CLCN3: variants seen among roughly 807,000 people sequenced by gnomAD.
The protein encoded by CLCN3 is H(+)/Cl(-) exchange transporter 3.
In CLCN3, 16 loss-of-function variants were observed where a neutral mutation model predicts 83.4. That is an observed-to-expected ratio of 0.19 (90% CI 0.13 to 0.29). The LOEUF is 0.29. CLCN3 is among the 10% of genes least tolerant of loss of function. The pLI, the probability that CLCN3 is intolerant of heterozygous loss-of-function variation, is 1.00. For missense variants in CLCN3, 544 were observed against 1,006.0 expected, an observed-to-expected ratio of 0.54 and a Z score of 6.21; for synonymous variants, 322 against 346.2, an observed-to-expected ratio of 0.93 and a Z score of 0.78.
intron 2 of CLCN3, among the ~76,000 whole-genome samples, chr4:169,675,953 G>A (rs1731659436): frequency 6.6e-6 from 1 of 152,098 alleles, no homozygotes; most frequent in African/African-American, 2.4e-5. Flanking sequence ...TGAAAATACT[G>A]TGTGTGTGCT....
chr4:169,702,793 A>G, intron 9 of CLCN3: 1 of 328,782 alleles, frequency 3.0e-6, no homozygotes, highest in South Asian at 2.5e-5. Flanking sequence ...AAAAAAAAAA[A>G]AAAAGAAAGC....
At chr4:169,691,422 CAGT>C (rs1210680109) in intron 6 of CLCN3, among the ~76,000 whole-genome samples, 1 of 152,134 alleles carries the variant, frequency 6.6e-6, no homozygotes, top group African/African-American at 2.4e-5. Flanking sequence ...TAGTTAATCA[CAGT>C]GGGTCAACAG....
intron 1 of CLCN3, among the ~76,000 whole-genome samples, chr4:169,623,822 T>C (rs1773165495): frequency 6.6e-6 from 1 of 152,200 alleles, no homozygotes; most frequent in Admixed American, 6.5e-5. Flanking sequence ...CGGGTTAATC[T>C]ACGTTTTTGA....
chr4:169,659,668 CTT>C (rs1294679039), intron 2 of CLCN3, among the ~76,000 whole-genome samples: 2 of 125,690 alleles, frequency 1.6e-5, no homozygotes, highest in Non-Finnish European at 3.5e-5. Context: ...CTATTCAACT[CTT>C]CAGTTATTCG....
intron 2 of CLCN3, chr4:169,662,813 T>G (rs1405041176): frequency 6.6e-6 from 1 of 152,178 alleles, no homozygotes; most frequent in African/African-American, 2.4e-5. Context: ...ATTGATAGAT[T>G]AGAAATTAAG....
intron 2 of CLCN3, chr4:169,663,020 C>T (rs1189203758): frequency 1.3e-5 from 2 of 151,888 alleles, no homozygotes; most frequent in African/African-American, 4.8e-5. Context: ...TTCTACCAAC[C>T]CTTTATAATG....
At chr4:169,661,785 G>A (rs1428243433) in intron 2 of CLCN3, among the ~76,000 whole-genome samples, 2 of 152,038 alleles carry the variant, frequency 1.3e-5, no homozygotes, top group East Asian at 3.9e-4. Flanking sequence ...ACCACCCAGA[G>A]CTTTTTAAAT....
intron 11 of CLCN3, among the ~76,000 whole-genome samples, chr4:169,709,222 A>G (rs1239302013): frequency 1.3e-5 from 2 of 150,866 alleles, no homozygotes; most frequent in African/African-American, 4.8e-5. Flanking sequence ...ACTTTATTGA[A>G]GGATGAAAAA....
chr4:169,630,078 A>G (rs868698735), intron 1 of CLCN3, among the ~76,000 whole-genome samples: 26 of 151,874 alleles, frequency 1.7e-4, no homozygotes, highest in Middle Eastern at 3.4e-3. Context: ...TTGTTAAATA[A>G]AGGGATACTT....
intron 8 of CLCN3, among the ~76,000 whole-genome samples, chr4:169,696,464 T>C (rs1195541201): frequency 5.3e-5 from 8 of 152,234 alleles, no homozygotes; most frequent in Non-Finnish European, 1.2e-4. Flanking sequence ...TATAATGTGA[T>C]GTGTCTATAC....
Position 169,721,095 on chromosome 4 carries a change from A to G in CLCN3, c.*1098A>G, listed in dbSNP as rs7438. 0.44 allele frequency: 66,492 copies of G among 152,110 alleles called. 16,719 individuals are homozygous for G. The highest frequency in any genetic ancestry group is 0.76 in the East Asian group (3,925 of 5,180). 9.4% of individuals were successfully genotyped at this position (152,110 alleles called of 1,614,324 possible). On this transcript the variant is annotated 3_prime_UTR_variant, in exon 13 of 13. Coordinates refer to ENST00000513761, the MANE Select transcript of CLCN3 (RefSeq NM_001829.4). ...AGTCATTCTTTTCTTTTCTCAAGAT[A>G]TCTCATGGCTGACACTGAAGAAGAA...
rs1733633332 is a variant in CLCN3, at chr4:169,721,350, C to T, written c.*1353C>T. 1 of 152,206 alleles carries T rather than the reference C, an allele frequency of 6.6e-6. No individual in the cohort carries two copies. Among genetic ancestry groups the T allele is most frequent in the South Asian group, 2.1e-4 (1 of 4,832 alleles). The allele number at this position is 152,206 out of a possible 1,614,324, so 9.4% of individuals were successfully genotyped here. On this transcript the variant is annotated 3_prime_UTR_variant, in exon 13 of 13. Transcript: ENST00000513761. ...GTTTAAAAAAAGGTTGTGGTTCTCT[C>T]TCTGTGATCCAGTGTGCACATAAAC...
chr4:169,682,894 A>C (rs1386123392), intron 3 of CLCN3, among the ~76,000 whole-genome samples: 1 of 152,214 alleles, frequency 6.6e-6, no homozygotes, highest in Non-Finnish European at 1.5e-5. Context: ...TGAAAAAGGC[A>C]CATAATGTCT....
chr4:169,708,311 A>T (rs1581277632), intron 11 of CLCN3, among the ~76,000 whole-genome samples: 1 of 152,208 alleles, frequency 6.6e-6, no homozygotes, highest in Non-Finnish European at 1.5e-5. Flanking sequence ...AAGCAGAGAG[A>T]GAAAAAAGAA....
chr4:169,633,553 T>G (rs1021072387), intron 1 of CLCN3, among the ~76,000 whole-genome samples: 1 of 152,214 alleles, frequency 6.6e-6, no homozygotes, highest in Non-Finnish European at 1.5e-5. Context: ...CAGATTTCCT[T>G]CTGTTATATG....
At chr4:169,644,013 A>G (rs2150207977) in intron 2 of CLCN3, among the ~76,000 whole-genome samples, 1 of 152,334 alleles carries the variant, frequency 6.6e-6, no homozygotes, top group Admixed American at 6.5e-5. Flanking sequence ...GTACCATGAA[A>G]AATGTTCAGC....
At chr4:169,686,269 A>G (rs113228833) in intron 3 of CLCN3, among the ~76,000 whole-genome samples, 29 of 151,982 alleles carry the variant, frequency 1.9e-4, no homozygotes, top group African/African-American at 6.0e-4. Flanking sequence ...ACATGTATAC[A>G]TATGTAACAA....
intron 1 of CLCN3, among the ~76,000 whole-genome samples, chr4:169,632,130 T>A (rs1423669133): frequency 2.0e-5 from 3 of 152,116 alleles, no homozygotes; most frequent in Non-Finnish European, 2.9e-5. Flanking sequence ...TCAATATCCC[T>A]GATGAACATA....
rs576307579 is a variant in CLCN3 at position 169,629,371 on chromosome 4, A to G, written c.-16-6542A>G. ...AAAAAAATTGAACATCTACTGTGAC[A>G]CATTTTTTTTTTTTGAGGCAGATCT... On this transcript the variant is annotated intron_variant, in intron 1 of 12. Coordinates refer to ENST00000513761, the MANE Select transcript of CLCN3 (RefSeq NM_001829.4). 7.2e-5 allele frequency among the ~76,000 whole-genome samples: 11 copies of G among 151,924 alleles called. No individual in the cohort carries two copies. The East Asian group carries it at 2.1e-3, about 29-fold the overall frequency.
Sources: gnomAD v4.1 joint callset for allele counts (sites outside exome capture counted in the v4.1 genomes callset) on GRCh38, gnomAD v4.1.1 for gene constraint, MANE v1.5 for transcripts, NCBI Gene and HGNC (gene_info 2026-07-23, HGNC 2026-07-21) for gene names.